The following CFAP69 variants were observed in gnomAD, a reference collection of about 807,000 sequenced individuals.
CFAP69 encodes cilia and flagella associated protein 69, also known as cilia- and flagella-associated protein 69.
CFAP69 carries 92 observed loss-of-function variants against 123.0 expected under a neutral mutation model. The ratio of observed to expected loss-of-function variants is 0.75; its 90% CI spans 0.63 to 0.89. The LOEUF is 0.89. Among genes scored for constraint, CFAP69 ranks in the 40% least tolerant of loss-of-function variants. The probability of loss-of-function intolerance (pLI) is 0.00; values close to 1 mark genes in which losing one functional copy is unlikely to be tolerated. For synonymous variants in CFAP69, 380 were observed against 364.3 expected (o/e 1.04, Z -0.49); for missense variants, 1,067 against 1,096.9 (o/e 0.97, Z 0.39).
At chr7:90,309,153 A>G in intron 21 of CFAP69, 110 bp from the exon 22 acceptor site, 1 of 527,756 alleles carries the variant, frequency 1.9e-6, no homozygotes, top group Non-Finnish European at 3.3e-6. Context: ...GCTATCTAAT[A>G]AACAACCAAA....
In CFAP69 at chr7:90,278,582, A is replaced by G. The variant is rs10228134; in HGVS notation, c.1156-1095A>G. On this transcript the variant is annotated intron_variant, in intron 11 of 22. Coordinates refer to ENST00000389297, the MANE Select transcript of CFAP69 (RefSeq NM_001039706.3). ...TAGACCTATAAAGATAATAAAATTT[A>G]TACTACAGTTTATAAGTCAATTCTA... 6.5e-4 allele frequency among the ~76,000 whole-genome samples: 97 copies of G among 149,640 alleles called. 2 individuals are homozygous for G. The highest frequency in any genetic ancestry group is 2.5e-3 in the African/African-American group (97 of 39,240).
chr7:90,282,486 A>G (rs565143626), intron 12 of CFAP69, among the ~76,000 whole-genome samples: 7 of 152,346 alleles, frequency 4.6e-5, no homozygotes, highest in Non-Finnish European at 1.0e-4. Flanking sequence ...TTCTCAATGG[A>G]TATAAGAGGA....
chr7:90,316,775 A>C, the CFAP69 span: 1 of 152,186 alleles, frequency 6.6e-6, no homozygotes, highest in Non-Finnish European at 1.5e-5. Context: ...GTAGTATGTA[A>C]ATTCAATTAA....
At chr7:90,253,606 G>T (rs1385469502) in intron 1 of CFAP69, among the ~76,000 whole-genome samples, 1 of 152,124 alleles carries the variant, frequency 6.6e-6, no homozygotes, top group Non-Finnish European at 1.5e-5. Context: ...TTGCTAGGCT[G>T]GTCTCGAACT....
rs766439808 is a variant in CFAP69, at chr7:90,271,885, A to T, written c.787A>T (p.Ile263Leu). The T allele has an allele frequency of 6.2e-7, 1 of 1,612,554 alleles. No individual in the cohort carries two copies. Among genetic ancestry groups the T allele is most frequent in the Non-Finnish European group, 8.5e-7 (1 of 1,179,110 alleles). The change falls in exon 8 of 23, where the codon ATA (isoleucine) becomes TTA (leucine). Residue 263 changes from isoleucine (I) to leucine (L), a missense_variant. By Grantham distance (5) the Ile-to-Leu change is conservative. Transcript: ENST00000389297. ...SGQLLFRSSE[I>L]LWNLLEKSSK... ...ACAGCTTTTATTTCGTTCATCAGAA[A>T]TACTTTGGAACTTGCTGGAAAAATC...
At chr7:90,272,050 T>C (rs927674701) in intron 8 of CFAP69, 92 bp downstream of exon 8, 3 of 1,242,488 alleles carry the variant, frequency 2.4e-6, no homozygotes, top group Non-Finnish European at 3.3e-6. Flanking sequence ...CTGTGTTCAA[T>C]TATGTTTTAG....
the CFAP69 span, chr7:90,320,693 A>C: frequency 6.6e-6 from 1 of 152,488 alleles, no homozygotes; most frequent in East Asian, 1.9e-4. Flanking sequence ...TTCCCCCCGT[A>C]CACAGCCGTC....
chr7:90,269,880 G>A (rs1011469365), intron 6 of CFAP69, among the ~76,000 whole-genome samples: 6 of 152,090 alleles, frequency 3.9e-5, no homozygotes, highest in African/African-American at 1.4e-4. Context: ...CTAGAAGCTG[G>A]TAAGAAAGAA....
At chr7:90,263,102 T>G (rs1798556173) in intron 4 of CFAP69, among the ~76,000 whole-genome samples, 2 of 152,168 alleles carry the variant, frequency 1.3e-5, no homozygotes, top group Admixed American at 6.5e-5. Context: ...AATGCCAAGT[T>G]TATAAGAATT....
chr7:90,293,914 A>G (rs1340997101), intron 15 of CFAP69, among the ~76,000 whole-genome samples: 1 of 152,204 alleles, frequency 6.6e-6, no homozygotes, highest in Non-Finnish European at 1.5e-5. Flanking sequence ...AGGGGGCCTA[A>G]CGACCTTCAA....
chr7:90,273,340 CT>C (rs1800233708), intron 8 of CFAP69, among the ~76,000 whole-genome samples: 1 of 152,040 alleles, frequency 6.6e-6, no homozygotes, highest in Non-Finnish European at 1.5e-5. Flanking sequence ...TCTAATAAGC[CT>C]TGTTAAGGAG....
rs763368693 is a variant in CFAP69 at position 90,310,089 on chromosome 7, A to G, written c.2677A>G (p.Thr893Ala). 4 of 1,611,728 alleles carry G rather than the reference A, an allele frequency of 2.5e-6. No individual in the cohort carries two copies. The South Asian group carries it at 4.4e-5, about 18-fold the overall frequency. The change falls in exon 23 of 23, where the codon ACA becomes GCA. Residue 893 changes from threonine (T) to alanine (A), a missense_variant. By Grantham distance (58) the Thr-to-Ala change is moderately conservative (BLOSUM62 0). Coordinates refer to ENST00000389297, the MANE Select transcript of CFAP69 (RefSeq NM_001039706.3). The part of the protein sequence containing the change: ...NTTVPSGGVV[T>A]VESTPARLVG... ...TTAGGTGCCCTCTGGTGGAGTAGTA[A>G]CAGTGGAAAGCACTCCTGCCCGATT...
intron 11 of CFAP69, among the ~76,000 whole-genome samples, chr7:90,277,821 C>A (rs189941885): frequency 2.6e-4 from 40 of 152,146 alleles, no homozygotes; most frequent in Non-Finnish European, 4.6e-4. Context: ...TGCATAACAG[C>A]GTGATATAAT....
At chr7:90,303,680 A>AATT (rs771113869) in intron 17 of CFAP69, 312 of 993,562 alleles carry the variant, frequency 3.1e-4, no homozygotes, top group Non-Finnish European at 3.7e-4. Context: ...TGGATTTCAA[A>AATT]ATTTTTTAAA....
intron 1 of CFAP69, chr7:90,252,154 G>C (rs924276092): frequency 6.6e-6 from 1 of 150,438 alleles, no homozygotes; most frequent in East Asian, 1.9e-4. Context: ...GTGCATGCGC[G>C]TATAAAATCT....
intron 15 of CFAP69, among the ~76,000 whole-genome samples, chr7:90,291,938 G>A (rs993080811): frequency 5.3e-5 from 8 of 152,280 alleles, no homozygotes; most frequent in Non-Finnish European, 8.8e-5. Context: ...TCACTGGTTG[G>A]TTCCCAGGAA....
chr7:90,255,827 C>T (rs1021572952), intron 2 of CFAP69, among the ~76,000 whole-genome samples: 4 of 152,028 alleles, frequency 2.6e-5, no homozygotes, highest in African/African-American at 7.2e-5. Context: ...AACAGGGTAC[C>T]GTGGTGTACT....
In CFAP69 at chr7:90,262,041, T is replaced by G; in HGVS notation, c.341T>G (p.Ile114Ser). 1 of 1,581,574 alleles carries G rather than the reference T, an allele frequency of 6.3e-7. No individual in the cohort carries two copies. Among genetic ancestry groups the G allele is most frequent in the South Asian group, 1.2e-5 (1 of 85,482 alleles). ...CGTTTTATAGAATCTGCATATGATA[T>G]CATAAAACTGTGTGGGTAAGTTATC... ...QPRFIESAYD[I>S]IKLCGLPFLK... Residue 114 changes from isoleucine to serine, a missense_variant, in exon 4 of 23, where the codon ATC becomes AGC. By Grantham distance (142) the Ile-to-Ser change is moderately radical. Coordinates refer to ENST00000389297, the MANE Select transcript of CFAP69 (RefSeq NM_001039706.3).
At position 90,245,370 on chromosome 7, in the gene CFAP69, G is replaced by A; in HGVS notation, c.-55G>A. ...GGGCCTCTTTGGGCCCAGCGGCTGCGGGCGCACTGTAGGACAGGAAGATCC... is the reference window on the plus strand; with the variant it reads ...GGGCCTCTTTGGGCCCAGCGGCTGCAGGCGCACTGTAGGACAGGAAGATCC... On this transcript the variant is annotated 5_prime_UTR_variant, in exon 1 of 23. Transcript: ENST00000389297. The A allele has an allele frequency of 1.4e-6, 2 of 1,451,978 alleles. No individual in the cohort carries two copies. The highest frequency in any genetic ancestry group is 1.8e-6 in the Non-Finnish European group (2 of 1,101,384). 89.9% of individuals were successfully genotyped at this position (1,451,978 alleles called of 1,614,324 possible).
Sources: allele counts gnomAD v4.1 joint callset (sites outside exome capture counted in the v4.1 genomes callset), GRCh38; gene constraint gnomAD v4.1.1; transcripts MANE v1.5; gene names NCBI Gene and HGNC (gene_info 2026-07-23, HGNC 2026-07-21).